Variants in SCAMP4 observed in about 807,000 individuals in gnomAD.
SCAMP4 encodes the protein secretory carrier membrane protein 4.
In SCAMP4, 19 loss-of-function variants were observed where a neutral mutation model predicts 32.1. That is an observed-to-expected ratio of 0.59 (90% confidence interval 0.41 to 0.87). The LOEUF is 0.87. SCAMP4 is among the 40% of genes least tolerant of loss of function. The pLI, the probability that SCAMP4 is intolerant of heterozygous loss-of-function variation, is 0.00. For synonymous variants in SCAMP4, 152 were observed against 132.7 expected (o/e 1.15, Z -1.00); for missense variants, 302 against 309.0 (o/e 0.98, Z 0.17).
intron 2 of SCAMP4, among the ~76,000 whole-genome samples, chr19:1,916,053 G>A (rs1019548953): frequency 1.3e-5 from 2 of 151,880 alleles, no homozygotes; most frequent in African/African-American, 4.8e-5. Flanking sequence ...AGACCAGCCT[G>A]GACAGCATAG....
chr19:1,918,776 A>T (rs901463935), intron 4 of SCAMP4, 113 bp from the exon 5 acceptor site: 22 of 1,293,060 alleles, frequency 1.7e-5, no homozygotes, highest in Non-Finnish European at 2.2e-5. Context: ...AAAAAAAAAA[A>T]GGAATAAAAT....
chr19:1,911,889 G>C (rs1405463435), intron 1 of SCAMP4: 1 of 868,884 alleles, frequency 1.2e-6, no homozygotes, highest in Non-Finnish European at 1.6e-6. Context: ...GTGCACACCA[G>C]GGGTTAGCAG....
chr19:1,911,179 A>AT (rs910257449), intron 1 of SCAMP4, among the ~76,000 whole-genome samples: 94 of 145,852 alleles, frequency 6.4e-4, no homozygotes, highest in African/African-American at 1.7e-3. Flanking sequence ...CCGGGTTTTC[A>AT]TTTTTTTTTT....
At chr19:1,916,785 C>T (rs1000338738) in intron 2 of SCAMP4, among the ~76,000 whole-genome samples, 7 of 152,334 alleles carry the variant, frequency 4.6e-5, no homozygotes, top group Non-Finnish European at 5.9e-5. Context: ...GCCTCCCAGT[C>T]GGTGGTGGTT....
chr19:1,916,933 G>A (rs1457357897), intron 2 of SCAMP4, among the ~76,000 whole-genome samples: 3 of 152,256 alleles, frequency 2.0e-5, no homozygotes, highest in Non-Finnish European at 2.9e-5. Context: ...TGCTGCAGCC[G>A]CACCCACACT....
intron 5 of SCAMP4, chr19:1,922,482 G>T: frequency 1.1e-6 from 1 of 934,612 alleles, no homozygotes; most frequent in Non-Finnish European, 1.3e-6. Flanking sequence ...TGATCCGCCC[G>T]CCTCGGCCTC....
rs2014070596 is a variant in SCAMP4, at chr19:1,925,506, C to T, written c.*1222C>T. 1.3e-5 allele frequency: 2 copies of T among 153,032 alleles called. No individual in the cohort carries two copies. Among genetic ancestry groups the T allele is most frequent in the South Asian group, 2.1e-4 (1 of 4,826 alleles). 9.5% of individuals were successfully genotyped at this position (153,032 alleles called of 1,614,324 possible). On this transcript the variant is annotated 3_prime_UTR_variant, in exon 7 of 7. Coordinates refer to ENST00000316097, the MANE Select transcript of SCAMP4 (RefSeq NM_079834.4). ...TCACCCCCCAACTCCCCCTGGAACA[C>T]CTCTCCCAGGCAAGACATTTTCACA... is the stretch of plus-strand genomic sequence containing the variant.
chr19:1,913,042 C>T (rs752026629), intron 1 of SCAMP4: 3 of 1,603,682 alleles, frequency 1.9e-6, no homozygotes, highest in Non-Finnish European at 2.5e-6. Flanking sequence ...CCCGACGGCG[C>T]CCTGGGCACC....
In SCAMP4 at chr19:1,922,861, A is replaced by G. The variant is rs146744950; in HGVS notation, c.396-209A>G. The G allele has an allele frequency of 9.1e-4, 1,176 of 1,295,046 alleles. 11 individuals carry two copies. In the African/African-American group the frequency reaches 0.013, roughly 15 times the overall value. The allele number at this position is 1,295,046 out of a possible 1,614,324, so 80.2% of individuals were successfully genotyped here. ...ACTGCACACGCGGCTCACTGCTGCG[A>G]TGGTGGAGGGATAAGGTCGTATTCA... On this transcript the variant is annotated intron_variant, in intron 5 of 6. Coordinates refer to ENST00000316097, the MANE Select transcript of SCAMP4 (RefSeq NM_079834.4).
At chr19:1,906,127 A>G (rs2145418317) in intron 1 of SCAMP4, 1 of 152,374 alleles carries the variant, frequency 6.6e-6, no homozygotes, top group East Asian at 1.9e-4. Context: ...TGGGAGGCCA[A>G]GGCGAGTGGA....
rs865828553 is a variant in SCAMP4, at chr19:1,915,509, C to T, written c.7+483C>T. ...GGCTCCCAGTGCCACGCTGAGTGCCCCAAAGGCTGTGTTCCCATCTTGATC... is the reference window on the plus strand; with the variant it reads ...GGCTCCCAGTGCCACGCTGAGTGCCTCAAAGGCTGTGTTCCCATCTTGATC... On this transcript the variant is annotated intron_variant, in intron 2 of 6. Coordinates refer to ENST00000316097, the MANE Select transcript of SCAMP4 (RefSeq NM_079834.4). 7 of 192,956 alleles carry T rather than the reference C, an allele frequency of 3.6e-5. No homozygotes were observed. The South Asian group carries it at 4.7e-4, about 13-fold the overall frequency. 12.0% of individuals were successfully genotyped at this position (192,956 alleles called of 1,614,324 possible). A position where few individuals can be genotyped will look rare whatever the true frequency, so the allele number is the denominator to read the frequency against.
rs1453275132 is a variant in SCAMP4 at position 1,918,140 on chromosome 19, C to G, written c.150C>G (p.Thr50=). The change falls in exon 4 of 7, where the codon ACC becomes ACG. Residue 50 remains threonine, a synonymous_variant. Coordinates refer to ENST00000316097, the MANE Select transcript of SCAMP4 (RefSeq NM_079834.4). ...CTCTCTTCGCAGTTTACTGCGCCAC[C>G]CTCGGCGTCAACCTCATTGCCTGCC... ...IYRLWMFYCA[T]LGVNLIACLA... is the part of the protein sequence containing the mutation. 1 of 1,612,054 alleles carries G rather than the reference C, an allele frequency of 6.2e-7. No homozygotes were observed. Among genetic ancestry groups the G allele is most frequent in the Non-Finnish European group, 8.5e-7 (1 of 1,179,238 alleles).
At chr19:1,918,314 C>A in intron 4 of SCAMP4, 31 bp downstream of exon 4, 1 of 1,550,502 alleles carries the variant, frequency 6.4e-7, no homozygotes, top group South Asian at 1.2e-5. Context: ...CCGTCTGCAC[C>A]CAGAGGGAAC....
At chr19:1,916,861 G>A (rs780724487) in intron 2 of SCAMP4, among the ~76,000 whole-genome samples, 2 of 152,196 alleles carry the variant, frequency 1.3e-5, no homozygotes, top group Admixed American at 6.5e-5. Context: ...GTGCGGACTC[G>A]GCCTGCTGAG....
chr19:1,912,447 C>T (rs1480062286), intron 1 of SCAMP4: 1 of 1,507,288 alleles, frequency 6.6e-7, no homozygotes, highest in South Asian at 1.2e-5. Context: ...TGTGGACCCC[C>T]GCGGCCTGGG....
At chr19:1,922,776 C>T (rs2013959477) in intron 5 of SCAMP4, 2 of 1,068,582 alleles carry the variant, frequency 1.9e-6, no homozygotes, top group Non-Finnish European at 1.1e-6. Context: ...CCTGCACGCA[C>T]AGCCCACTGC....
chr19:1,914,935 C>A, intron 1 of SCAMP4, 44 bp from the exon 2 acceptor site: 4 of 1,545,438 alleles, frequency 2.6e-6, no homozygotes, highest in Non-Finnish European at 3.6e-6. Flanking sequence ...GCGCTCTGCC[C>A]AGGGCAGCTC....
intron 1 of SCAMP4, among the ~76,000 whole-genome samples, chr19:1,909,760 T>G (rs2013339359): frequency 6.6e-6 from 1 of 152,102 alleles, no homozygotes; most frequent in Non-Finnish European, 1.5e-5. Flanking sequence ...AGCCAGGGCC[T>G]CCTCTGTGAC....
At chr19:1,909,327 C>G (rs1380229173) in intron 1 of SCAMP4, among the ~76,000 whole-genome samples, 1 of 152,318 alleles carries the variant, frequency 6.6e-6, no homozygotes, top group South Asian at 2.1e-4. Context: ...GTCCCCACGC[C>G]TGCCTCTCTG....
Sources: gnomAD v4.1 joint callset for allele counts (sites outside exome capture counted in the v4.1 genomes callset) on GRCh38, gnomAD v4.1.1 for gene constraint, MANE v1.5 for transcripts, NCBI Gene and HGNC (gene_info 2026-07-23, HGNC 2026-07-21) for gene names.